STAG2: variants seen among roughly 807,000 people sequenced by gnomAD.
The protein encoded by STAG2 is STAG2 cohesin complex component.
In STAG2, 14 loss-of-function variants were observed where a neutral mutation model predicts 108.1. That is an observed-to-expected ratio of 0.13 (90% CI 0.09 to 0.20). STAG2 has a LOEUF of 0.20. Ranked by LOEUF, STAG2 falls within the 10% of genes least tolerant of loss-of-function variation. The pLI is 1.00. For missense variants in STAG2, 440 were observed against 940.9 expected (o/e 0.47, Z 6.96); for synonymous variants, 307 against 302.7 (o/e 1.01, Z -0.15).
Position 124,063,969 on chromosome X carries a change from A to G in STAG2, c.1943A>G (p.Asn648Ser). Residue 648 changes from asparagine (N) to serine (S), a missense_variant, in exon 20 of 35, where the codon AAC (asparagine) becomes AGC (serine). Around this residue, in one of 3 missense-constraint regions of STAG2, gnomAD observed 337 missense variants for 649.3 expected, o/e 0.52. Coordinates refer to ENST00000371145, the MANE Select transcript of STAG2 (RefSeq NM_001042750.2). Reference sequence around the variant, plus strand: ...TGTAATGAAGAGTTCACAATCTTCAACAGAGTAGATATTTCAAGAAGTCAA... The same window carrying G: ...TGTAATGAAGAGTTCACAATCTTCAGCAGAGTAGATATTTCAAGAAGTCAA... ...ALCNEEFTIFNRVDISRSQLI... is the reference protein window; with the variant it reads ...ALCNEEFTIFSRVDISRSQLI... 3 of 1,210,383 alleles carry G rather than the reference A, an allele frequency of 2.5e-6. No homozygotes were observed. In the South Asian group the frequency reaches 5.3e-5, roughly 21 times the overall value.
At chrX:123,969,622 G>A (rs1055922016) in intron 1 of STAG2, among the ~76,000 whole-genome samples, 8 of 109,772 alleles carry the variant, frequency 7.3e-5, no homozygotes, top group Non-Finnish European at 1.3e-4. Context: ...ATTAGTGATC[G>A]GTATCTTAGT....
In STAG2 at chrX:124,056,232, A is replaced by G; in HGVS notation, c.1301A>G (p.Lys434Arg). The change falls in exon 14 of 35, where the codon AAA becomes AGA. Residue 434 changes from lysine to arginine, a missense_variant. By Grantham distance (26) the Lys-to-Arg change is conservative. This residue lies in a region of STAG2 where 337 missense variants were observed against 649.3 expected (regional missense o/e 0.52). Transcript: ENST00000371145. ...GTAGCAGCTGGAGAATTTCTCTACA[A>G]AAAGTAAATCTATATATCTGTTACT... The part of the protein sequence containing the change: ...VAVAAGEFLY[K>R]KLFSRRDPEE... 1.7e-6 allele frequency: 2 copies of G among 1,188,282 alleles called. No homozygotes were observed. Among genetic ancestry groups the G allele is most frequent in the Non-Finnish European group, 2.3e-6 (2 of 875,832 alleles).
intron 20 of STAG2, 99 bp from the exon 21 acceptor site, chrX:124,065,777 T>A: frequency 1.7e-6 from 1 of 574,657 alleles, no homozygotes. Context: ...ATTTGTGGGT[T>A]TTGTTATGTT....
chrX:124,095,995 C>A (rs964123995), intron 34 of STAG2, among the ~76,000 whole-genome samples: 2 of 109,737 alleles, frequency 1.8e-5, no homozygotes, highest in East Asian at 5.7e-4. Context: ...TTATATCAGT[C>A]CCCTGTGCCA....
intron 7 of STAG2, among the ~76,000 whole-genome samples, chrX:124,043,135 T>C (rs2057772533): frequency 9.2e-6 from 1 of 108,803 alleles, no homozygotes; most frequent in South Asian, 4.2e-4. Flanking sequence ...CAGTTGTTTT[T>C]TTTTTTCTTT....
chrX:124,075,992 GA>G lies in STAG2; in HGVS notation c.2534-338del, dbSNP rs1166461068. ...AAATTCTGAGGTTGGCAGTGTTCAG[GA>G]ACGTAGGAGCCTTAACTAACAGACT... is the stretch of plus-strand genomic sequence containing the variant. On this transcript the variant is annotated intron_variant, in intron 25 of 34. Transcript: ENST00000371145. 5.4e-5 allele frequency among the ~76,000 whole-genome samples: 6 copies of G among 111,497 alleles called. No homozygotes were observed. In the South Asian group the frequency reaches 2.3e-3, roughly 42 times the overall value.
intron 9 of STAG2, among the ~76,000 whole-genome samples, chrX:124,048,616 G>A (rs1011241504): frequency 8.1e-5 from 9 of 111,037 alleles, no homozygotes; most frequent in Admixed American, 1.9e-4. Context: ...TTTTAGTAGA[G>A]TCGGGGTTTT....
intron 1 of STAG2, among the ~76,000 whole-genome samples, chrX:124,018,939 A>G (rs765741709): frequency 4.3e-4 from 48 of 111,516 alleles, no homozygotes; most frequent in Non-Finnish European, 8.3e-4. Flanking sequence ...TCTAAATTAC[A>G]AAGCAATTTT....
chrX:124,082,515 C>G (rs756792719), intron 28 of STAG2, among the ~76,000 whole-genome samples: 1 of 111,247 alleles, frequency 9.0e-6, no homozygotes. Flanking sequence ...AAATATGCTG[C>G]TCTTGTTTAA....
At position 123,984,533 on chromosome X, in the gene STAG2, A is replaced by G. The variant is rs753319405; in HGVS notation, c.-163+22677A>G. 4.1e-4 allele frequency among the ~76,000 whole-genome samples: 46 copies of G among 111,787 alleles called. 1 individual carries two copies. In the South Asian group the frequency reaches 0.013, roughly 31 times the overall value. ...ATGGGGGCAAAAACTTCTCTCTTCA[A>G]TGTTGTAAACATGGTGTCTCTAATA... On this transcript the variant is annotated intron_variant, in intron 1 of 34. Transcript: ENST00000371145.
chrX:124,051,765 T>C (rs978964732), intron 13 of STAG2, among the ~76,000 whole-genome samples: 4 of 110,466 alleles, frequency 3.6e-5, no homozygotes, highest in Non-Finnish European at 7.6e-5. Context: ...TTATTTTTTG[T>C]ATTTTTAGTA....
intron 4 of STAG2, chrX:124,026,436 AGTGGGTT>A: frequency 7.0e-6 from 1 of 143,418 alleles, no homozygotes. Flanking sequence ...TTAAAGTGTG[AGTGGGTT>A]AGCCTGAGGG....
chrX:124,017,527 T>C (rs1457029654), intron 1 of STAG2, among the ~76,000 whole-genome samples: 1 of 111,785 alleles, frequency 8.9e-6, no homozygotes, highest in Non-Finnish European at 1.9e-5. Flanking sequence ...TAAAGACCTT[T>C]AAAACAGTAA....
rs201600823 is a variant in STAG2, at chrX:124,066,338, C to G, written c.2185-18C>G. 2,115 of 1,193,480 alleles carry G rather than the reference C, an allele frequency of 1.8e-3. 3 individuals carry two copies. Among genetic ancestry groups the G allele is most frequent in the Non-Finnish European group, 2.2e-3 (1,902 of 884,117 alleles). Reference sequence around the variant, plus strand: ...GTGACTTTTAAATTTTAACTGTATCCTTTGATTCTTTTTACAGATTGTTAT... The same window carrying G: ...GTGACTTTTAAATTTTAACTGTATCGTTTGATTCTTTTTACAGATTGTTAT... On this transcript the variant is annotated intron_variant, in intron 22 of 34. Coordinates refer to ENST00000371145, the MANE Select transcript of STAG2 (RefSeq NM_001042750.2).
chrX:123,974,182 G>A (rs1261839164), intron 1 of STAG2, among the ~76,000 whole-genome samples: 4 of 110,365 alleles, frequency 3.6e-5, no homozygotes, highest in Non-Finnish European at 7.6e-5. Context: ...GTCTTTGGCA[G>A]TTGTTAATAA....
chrX:123,987,493 C>T (rs1254726478), intron 1 of STAG2, among the ~76,000 whole-genome samples: 3 of 111,350 alleles, frequency 2.7e-5, no homozygotes, highest in African/African-American at 6.5e-5. Flanking sequence ...GGTGATCTGC[C>T]TGCCTTGGCC....
intron 4 of STAG2, 23 bp from the exon 5 acceptor site, chrX:124,030,938 A>C: frequency 5.1e-6 from 6 of 1,178,713 alleles, no homozygotes; most frequent in Non-Finnish European, 6.8e-6. Flanking sequence ...ATATAACTTA[A>C]CCACCTCGTA....
intron 34 of STAG2, 109 bp downstream of exon 34, chrX:124,095,558 C>G: frequency 3.5e-6 from 2 of 572,836 alleles, no homozygotes; most frequent in Non-Finnish European, 2.9e-6. Flanking sequence ...ATGAAAACAG[C>G]TGGATGTGAG....
At position 124,047,561 on chromosome X, in the gene STAG2, A is replaced by G; in HGVS notation, c.819+56A>G. 3 of 1,017,409 alleles carry G rather than the reference A, an allele frequency of 2.9e-6. 1 individual carries two copies. The South Asian group carries it at 6.4e-5, about 22-fold the overall frequency. The allele number at this position is 1,017,409 out of a possible 1,213,427, so 83.8% of individuals were successfully genotyped here. ...TGTGTGACCAACTTGGTCACCATTA[A>G]TTAGGATATAACTTTGCTAGTGGCT... On this transcript the variant is annotated intron_variant, in intron 9 of 34. Coordinates refer to ENST00000371145, the MANE Select transcript of STAG2 (RefSeq NM_001042750.2).
Sources: gnomAD v4.1 joint callset for allele counts (sites outside exome capture counted in the v4.1 genomes callset) on GRCh38, gnomAD v4.1.1 for gene constraint, gnomAD v4.1.1 regional missense constraint, MANE v1.5 for transcripts, NCBI Gene and HGNC (gene_info 2026-07-23, HGNC 2026-07-21) for gene names.